The following NGEF variants were observed in gnomAD, a reference collection of about 807,000 sequenced individuals.
The protein encoded by NGEF is ephexin-1.
In NGEF, 31 loss-of-function variants were observed where a neutral mutation model predicts 80.9. The ratio of observed to expected loss-of-function variants is 0.38; its 90% CI spans 0.29 to 0.52. The LOEUF is 0.52. NGEF is among the 20% of genes least tolerant of loss of function. NGEF has a pLI of 0.84. For missense variants in NGEF, 709 were observed against 926.2 expected (o/e 0.77, Z 3.04); for synonymous variants, 371 against 370.2 (o/e 1.00, Z -0.03).
chr2:232,880,599 A>AGAT (rs1331380119), intron 14 of NGEF, among the ~76,000 whole-genome samples: 1 of 152,264 alleles, frequency 6.6e-6, no homozygotes, highest in African/African-American at 2.4e-5. Flanking sequence ...GTAGACACAC[A>AGAT]GATGTGATTT....
At chr2:232,988,541 A>G (rs936772207) in intron 1 of NGEF, among the ~76,000 whole-genome samples, 2 of 152,218 alleles carry the variant, frequency 1.3e-5, no homozygotes, top group African/African-American at 4.8e-5. Flanking sequence ...CATGGATTCC[A>G]GCCCTACGGG....
chr2:232,922,140 A>G (rs1692960178), intron 4 of NGEF, among the ~76,000 whole-genome samples: 1 of 152,224 alleles, frequency 6.6e-6, no homozygotes, highest in African/African-American at 2.4e-5. Context: ...AGAAAGTTGC[A>G]ATAAGGATAA....
intron 1 of NGEF, among the ~76,000 whole-genome samples, chr2:233,001,397 A>G (rs934961378): frequency 1.3e-5 from 2 of 152,198 alleles, no homozygotes; most frequent in African/African-American, 2.4e-5. Flanking sequence ...TGAGCCTGTG[A>G]GTCTCCCCAC....
Position 232,920,376 on chromosome 2 carries a change from G to T in NGEF, c.736C>A (p.His246Asn), listed in dbSNP as rs1436649906. The part of the protein sequence containing the change: ...LPQICLLSNP[H>N]SRFNLWQDLP... ...TCCTGCCAGAGGTTGAACCTTGAGT[G>T]GGGGTTACTGAGCAGGCAGATCTGG... The change falls in exon 5 of 15, where the codon CAC becomes AAC. Residue 246 changes from histidine to asparagine, a missense_variant. Around this residue, in one of 2 missense-constraint regions of NGEF, gnomAD observed 426 missense variants for 622.9 expected, o/e 0.68. Coordinates refer to ENST00000264051, the MANE Select transcript of NGEF (RefSeq NM_019850.3). 6.2e-7 allele frequency: 1 copy of T among 1,614,166 alleles called. No individual in the cohort carries two copies. Among genetic ancestry groups the T allele is most frequent in the Non-Finnish European group, 8.5e-7 (1 of 1,180,010 alleles).
At chr2:232,993,470 G>A (rs371739907) in intron 1 of NGEF, among the ~76,000 whole-genome samples, 7 of 151,964 alleles carry the variant, frequency 4.6e-5, no homozygotes, top group East Asian at 3.9e-4. Flanking sequence ...ACTGCAGATG[G>A]GAATGTAAAA....
intron 3 of NGEF, among the ~76,000 whole-genome samples, chr2:232,949,147 T>C (rs1693625155): frequency 6.6e-6 from 1 of 152,222 alleles, no homozygotes; most frequent in Admixed American, 6.5e-5. Context: ...TGCTGATCAC[T>C]GCCCAGCCTG....
At chr2:232,972,744 CTTTTTTTTTTTTTTT>C (rs61594239) in intron 2 of NGEF, among the ~76,000 whole-genome samples, 2 of 123,322 alleles carry the variant, frequency 1.6e-5, no homozygotes, top group Admixed American at 9.4e-5. Context: ...TGTCCTTATC[CTTTTTTTTTTTTTTT>C]TTTTTTTTTT....
At chr2:232,899,653 C>G (rs1692215232) in intron 5 of NGEF, among the ~76,000 whole-genome samples, 1 of 90,198 alleles carries the variant, frequency 1.1e-5, no homozygotes, top group African/African-American at 3.7e-5. Context: ...CACGTTCACT[C>G]ACATTCACTC....
chr2:232,925,643 C>T (rs899844648), intron 4 of NGEF, among the ~76,000 whole-genome samples: 1 of 152,158 alleles, frequency 6.6e-6, no homozygotes, highest in African/African-American at 2.4e-5. Context: ...GATCTCCTCC[C>T]CAACCTGGAT....
At chr2:233,010,771 T>C (rs910513752) in intron 1 of NGEF, among the ~76,000 whole-genome samples, 41 of 152,262 alleles carry the variant, frequency 2.7e-4, no homozygotes, top group African/African-American at 9.1e-4. Context: ...GCCTCCAGGA[T>C]GGCTGCCAAA....
At chr2:232,934,119 G>A (rs751942249) in intron 3 of NGEF, among the ~76,000 whole-genome samples, 7 of 152,068 alleles carry the variant, frequency 4.6e-5, no homozygotes, top group Non-Finnish European at 8.8e-5. Flanking sequence ...GCACGCACCT[G>A]TAGTCACAGC....
rs1215948854 is a variant in NGEF at position 232,957,756 on chromosome 2, C to T, written c.383+12458G>A. Among the ~76,000 whole-genome samples, 7 of 152,188 alleles carry T rather than the reference C, an allele frequency of 4.6e-5. 1 individual carries two copies. The highest frequency in any genetic ancestry group is 4.6e-4 in the Admixed American group (7 of 15,274). On this transcript the variant is annotated intron_variant, in intron 3 of 14. Transcript: ENST00000264051. Reference sequence around the variant, plus strand: ...GTCACCTCTGGGTGTGGGCCTCTGCCCAGGAGGGGAGGGAGAGCTGGGACT... The same window carrying T: ...GTCACCTCTGGGTGTGGGCCTCTGCTCAGGAGGGGAGGGAGAGCTGGGACT...
At chr2:232,959,561 C>T (rs565968661) in intron 3 of NGEF, among the ~76,000 whole-genome samples, 3 of 149,004 alleles carry the variant, frequency 2.0e-5, no homozygotes, top group Non-Finnish European at 3.0e-5. Context: ...TGGCAATGGG[C>T]GATTCCACAG....
intron 5 of NGEF, among the ~76,000 whole-genome samples, chr2:232,909,897 T>C (rs904111635): frequency 2.6e-5 from 4 of 152,266 alleles, no homozygotes; most frequent in Non-Finnish European, 5.9e-5. Context: ...TTTCTTTCAC[T>C]CAACAAGATG....
At chr2:232,899,638 A>G in intron 5 of NGEF, among the ~76,000 whole-genome samples, 1 of 142,114 alleles carries the variant, frequency 7.0e-6, no homozygotes. Flanking sequence ...ACAGTCACTC[A>G]TATACACGTT....
At chr2:232,958,438 C>A (rs1693877281) in intron 3 of NGEF, among the ~76,000 whole-genome samples, 1 of 152,214 alleles carries the variant, frequency 6.6e-6, no homozygotes, top group Non-Finnish European at 1.5e-5. Context: ...GCTCCTAGAT[C>A]TCAGCTTCTG....
At chr2:233,011,978 C>A (rs577293977) in intron 1 of NGEF, among the ~76,000 whole-genome samples, 1 of 152,230 alleles carries the variant, frequency 6.6e-6, no homozygotes, top group East Asian at 1.9e-4. Context: ...GACCAGAAAG[C>A]TTGACCCCCA....
At chr2:233,003,936 C>A (rs985719737) in intron 1 of NGEF, among the ~76,000 whole-genome samples, 2 of 152,188 alleles carry the variant, frequency 1.3e-5, no homozygotes, top group African/African-American at 4.8e-5. Context: ...CCCTGAATTG[C>A]CTTTTTAACC....
rs959518627 is a variant in NGEF, at chr2:232,891,399, G to A, written c.1231C>T (p.Leu411=). 2 of 1,613,668 alleles carry A rather than the reference G, an allele frequency of 1.2e-6. No individual in the cohort carries two copies. Among genetic ancestry groups the A allele is most frequent in the Middle Eastern group, 1.6e-4 (1 of 6,062 alleles). Residue 411 remains leucine, a synonymous_variant, in exon 8 of 15, where the codon CTG becomes TTG. Coordinates refer to ENST00000264051, the MANE Select transcript of NGEF (RefSeq NM_019850.3). ...AGGCGTGTGATCCTCTGGAAAGGCAGGATGAGGAAGGAGGAGAAGGGCAGC... is the reference window on the plus strand; with the variant it reads ...AGGCGTGTGATCCTCTGGAAAGGCAAGATGAGGAAGGAGGAGAAGGGCAGC... ...RGLPFSSFLI[L]PFQRITRLKL...
Sources: allele counts gnomAD v4.1 joint callset (sites outside exome capture counted in the v4.1 genomes callset), GRCh38; gene constraint gnomAD v4.1.1; regional missense constraint gnomAD v4.1.1; transcripts MANE v1.5; gene names NCBI Gene and HGNC (gene_info 2026-07-23, HGNC 2026-07-21).